Variants in ANAPC10 observed in about 807,000 individuals in gnomAD.
ANAPC10 encodes anaphase promoting complex subunit 10, also known as anaphase-promoting complex subunit 10.
Under a neutral mutation model 22.0 loss-of-function variants are expected in ANAPC10, and 12 were observed. That is an observed-to-expected ratio of 0.55 (90% CI 0.35 to 0.88). ANAPC10 has a LOEUF of 0.88. Ranked by LOEUF, ANAPC10 falls within the 40% of genes least tolerant of loss-of-function variation. The pLI is 0.01. For missense variants in ANAPC10, 188 were observed against 220.9 expected (o/e 0.85, Z 0.94); for synonymous variants, 65 against 69.5 (o/e 0.94, Z 0.32).
intron 4 of ANAPC10, among the ~76,000 whole-genome samples, chr4:145,037,042 GTGTGTGCA>G (rs1738676725): frequency 6.8e-6 from 1 of 146,690 alleles, no homozygotes; most frequent in African/African-American, 2.5e-5. Context: ...GTGTGTGTAT[GTGTGTGCA>G]TGCATGAATG....
At chr4:145,026,623 G>A (rs1736696312) in intron 4 of ANAPC10, among the ~76,000 whole-genome samples, 1 of 151,220 alleles carries the variant, frequency 6.6e-6, no homozygotes, top group Non-Finnish European at 1.5e-5. Context: ...TATTATCTGT[G>A]CCTCACTCTT....
chr4:145,064,659 A>G lies in ANAPC10; in HGVS notation c.240T>C (p.Tyr80=). The G allele has an allele frequency of 6.3e-7, 1 of 1,587,062 alleles. No individual in the cohort carries two copies. The change falls in exon 4 of 5, where the codon TAT becomes TAC. Residue 80 remains tyrosine, a synonymous_variant. Transcript: ENST00000507656. ...RKTTVKTLCI[Y]ADYKSDESYT... ...AGCTTTCATCAGATTTGTAGTCTGCATAAATACATAATGTCTTCACTGTTG... is the reference window on the plus strand; with the variant it reads ...AGCTTTCATCAGATTTGTAGTCTGCGTAAATACATAATGTCTTCACTGTTG...
chr4:145,027,767 T>G (rs1208749574), intron 4 of ANAPC10, among the ~76,000 whole-genome samples: 2 of 152,168 alleles, frequency 1.3e-5, no homozygotes, highest in Non-Finnish European at 2.9e-5. Context: ...CCTAGCCAAA[T>G]CATCCCTTGA....
chr4:145,037,359 T>C (rs943873659), intron 4 of ANAPC10, among the ~76,000 whole-genome samples: 2 of 152,150 alleles, frequency 1.3e-5, no homozygotes, highest in Admixed American at 6.5e-5. Flanking sequence ...TATCATTCTA[T>C]TACCATAATT....
intron 4 of ANAPC10, among the ~76,000 whole-genome samples, chr4:144,998,355 A>G (rs1177990498): frequency 6.6e-6 from 1 of 152,182 alleles, no homozygotes; most frequent in Non-Finnish European, 1.5e-5. Context: ...AGCAAATATA[A>G]AAGAACAGAA....
intron 3 of ANAPC10, among the ~76,000 whole-genome samples, chr4:145,068,634 G>A (rs1016666984): frequency 6.6e-6 from 1 of 152,082 alleles, no homozygotes; most frequent in African/African-American, 2.4e-5. Flanking sequence ...AATGGGGGCC[G>A]GGTGCAGTGG....
At chr4:145,078,394 C>T (rs1442911901) in intron 3 of ANAPC10, among the ~76,000 whole-genome samples, 1 of 151,748 alleles carries the variant, frequency 6.6e-6, no homozygotes, top group Non-Finnish European at 1.5e-5. Flanking sequence ...AATGGAAAAA[C>T]ATCCCATGCT....
chr4:145,078,687 C>A (rs1432821074), intron 3 of ANAPC10, among the ~76,000 whole-genome samples: 4 of 152,070 alleles, frequency 2.6e-5, no homozygotes, highest in Non-Finnish European at 5.9e-5. Flanking sequence ...ACACAGAGAC[C>A]AATGGAACAG....
chr4:145,047,431 A>G (rs2127175682), intron 4 of ANAPC10, among the ~76,000 whole-genome samples: 1 of 152,290 alleles, frequency 6.6e-6, no homozygotes, highest in Middle Eastern at 3.4e-3. Context: ...GTTTCAAATG[A>G]CTATAACTTC....
intron 4 of ANAPC10, among the ~76,000 whole-genome samples, chr4:145,047,303 T>G (rs1740449164): frequency 1.3e-5 from 2 of 152,074 alleles, no homozygotes; most frequent in Non-Finnish European, 2.9e-5. Context: ...CTGAAAACAA[T>G]ATTTAAAACC....
intron 1 of ANAPC10, chr4:145,097,686 G>T: frequency 2.2e-6 from 1 of 446,366 alleles, no homozygotes; most frequent in Non-Finnish European, 4.2e-6. Flanking sequence ...GTTGTCACTT[G>T]CCTGCAAGTT....
At position 145,096,208 on chromosome 4, in the gene ANAPC10, C is replaced by T. The variant is rs142983271; in HGVS notation, c.-12-97G>A. The T allele has an allele frequency of 3.0e-4, 359 of 1,203,742 alleles. No homozygotes were observed. The African/African-American group carries it at 4.8e-3, about 16-fold the overall frequency. The allele number at this position is 1,203,742 out of a possible 1,614,324, so 74.6% of individuals were successfully genotyped here. A position where few individuals can be genotyped will look rare whatever the true frequency, so the allele number is the denominator to read the frequency against. ...AAAAATTTAATGGAACTCATATACCCTGACATTAATCATTTATTCTGAAGA... is the reference window on the plus strand; with the variant it reads ...AAAAATTTAATGGAACTCATATACCTTGACATTAATCATTTATTCTGAAGA... On this transcript the variant is annotated intron_variant, in intron 1 of 4. Transcript: ENST00000507656.
chr4:145,096,212 CATT>C (rs1377391159), intron 1 of ANAPC10, 101 bp from the exon 2 acceptor site: 3 of 1,168,520 alleles, frequency 2.6e-6, no homozygotes, highest in Non-Finnish European at 3.6e-6. Flanking sequence ...TATACCCTGA[CATT>C]AATCATTTAT....
intron 4 of ANAPC10, among the ~76,000 whole-genome samples, chr4:145,015,403 A>G (rs925550678): frequency 5.3e-5 from 8 of 152,124 alleles, no homozygotes; most frequent in Non-Finnish European, 1.0e-4. Flanking sequence ...AAAAAGAATA[A>G]GAAAATATGA....
intron 4 of ANAPC10, among the ~76,000 whole-genome samples, chr4:145,053,411 G>A (rs923379690): frequency 5.3e-5 from 8 of 152,048 alleles, no homozygotes; most frequent in Admixed American, 2.6e-4. Context: ...CTTCCTCTAC[G>A]TACTGCCTCT....
intron 4 of ANAPC10, among the ~76,000 whole-genome samples, chr4:145,001,690 G>A (rs1023088219): frequency 2.6e-5 from 4 of 152,056 alleles, no homozygotes; most frequent in Admixed American, 2.6e-4. Context: ...ATATTCTTTC[G>A]TTGATATCAG....
chr4:145,005,985 T>C (rs1694749944), intron 4 of ANAPC10, among the ~76,000 whole-genome samples: 2 of 152,122 alleles, frequency 1.3e-5, no homozygotes, highest in Admixed American at 6.6e-5. Context: ...TAGTTAAGTG[T>C]TGAGTTCAGA....
In ANAPC10 at chr4:145,098,174, T is replaced by C. The variant is rs753722675; in HGVS notation, c.-67A>G. ...TCAGATTCTCGGCACCTCCAGCAGC[T>C]GGCTTCGCCAACGGCGTTGAACAAG... On this transcript the variant is annotated 5_prime_UTR_variant, in exon 1 of 5. Coordinates refer to ENST00000507656, the MANE Select transcript of ANAPC10 (RefSeq NM_001256706.2). The C allele has an allele frequency of 2.0e-5, 3 of 152,648 alleles. No homozygotes were observed. The highest frequency in any genetic ancestry group is 4.4e-5 in the Non-Finnish European group (3 of 68,366). 9.5% of individuals were successfully genotyped at this position (152,648 alleles called of 1,614,324 possible).
intron 4 of ANAPC10, among the ~76,000 whole-genome samples, chr4:145,030,184 T>C (rs892898695): frequency 6.6e-6 from 1 of 152,192 alleles, no homozygotes; most frequent in African/African-American, 2.4e-5. Context: ...ACTTAACTTA[T>C]ACAAACAGAA....
Sources: allele counts gnomAD v4.1 joint callset (sites outside exome capture counted in the v4.1 genomes callset), GRCh38; gene constraint gnomAD v4.1.1; transcripts MANE v1.5; gene names NCBI Gene and HGNC (gene_info 2026-07-23, HGNC 2026-07-21).